Variants in NRG3 observed in about 807,000 individuals in gnomAD.
NRG3 encodes the protein neuregulin 3.
A neutral mutation model predicts 66.9 loss-of-function variants in NRG3; 31 were observed. That is an observed-to-expected ratio of 0.46 (90% CI 0.35 to 0.63). The LOEUF (loss-of-function observed/expected upper bound fraction) is 0.63, where lower values mean the gene tolerates loss of function less well. Among genes scored for constraint, NRG3 ranks in the 20% least tolerant of loss-of-function variants. The probability of loss-of-function intolerance (pLI) is 0.00; values close to 1 mark genes in which losing one functional copy is unlikely to be tolerated. For synonymous variants in NRG3, 393 were observed against 359.4 expected (o/e 1.09, Z -1.06); for missense variants, 910 against 878.9 (o/e 1.04, Z -0.45).
intron 4 of NRG3, among the ~76,000 whole-genome samples, chr10:82,910,066 T>C (rs929364361): frequency 6.6e-6 from 1 of 152,200 alleles, no homozygotes; most frequent in Non-Finnish European, 1.5e-5. Context: ...GGTAAACATA[T>C]GACAATCATA....
intron 2 of NRG3, among the ~76,000 whole-genome samples, chr10:82,455,400 C>G (rs1400401560): frequency 6.6e-6 from 1 of 152,020 alleles, no homozygotes; most frequent in Admixed American, 6.6e-5. Context: ...GTAAGTATTA[C>G]TGTATCTGAA....
intron 4 of NRG3, among the ~76,000 whole-genome samples, chr10:82,904,387 T>C (rs1423801018): frequency 2.0e-5 from 3 of 152,170 alleles, no homozygotes; most frequent in Admixed American, 2.0e-4. Flanking sequence ...TCATTAATCA[T>C]TCAACAACAG....
chr10:82,904,796 T>C (rs1844571212), intron 4 of NRG3, among the ~76,000 whole-genome samples: 1 of 152,134 alleles, frequency 6.6e-6, no homozygotes, highest in Admixed American at 6.5e-5. Flanking sequence ...GTGATAATGA[T>C]GTCAACAAAA....
At chr10:82,351,444 T>A (rs1231676360) in intron 1 of NRG3, among the ~76,000 whole-genome samples, 2 of 152,164 alleles carry the variant, frequency 1.3e-5, no homozygotes, top group Admixed American at 1.3e-4. Flanking sequence ...GCCATGTAAT[T>A]CAAGTCTTTG....
At chr10:82,396,246 T>C (rs966758162) in intron 2 of NRG3, among the ~76,000 whole-genome samples, 1 of 152,196 alleles carries the variant, frequency 6.6e-6, no homozygotes, top group Non-Finnish European at 1.5e-5. Context: ...TTTTTCATCC[T>C]TCTTGTCACT....
At chr10:81,936,286 A>T (rs931353808) in intron 1 of NRG3, among the ~76,000 whole-genome samples, 2 of 152,170 alleles carry the variant, frequency 1.3e-5, no homozygotes, top group South Asian at 4.1e-4. Flanking sequence ...CTGAGTTTGA[A>T]AAGAGTATGG....
chr10:82,949,701 A>T (rs1191236231), intron 4 of NRG3, among the ~76,000 whole-genome samples: 1 of 152,068 alleles, frequency 6.6e-6, no homozygotes, highest in African/African-American at 2.4e-5. Flanking sequence ...CTAAAAGTAC[A>T]AAAAGTAGCT....
chr10:82,057,944 C>G (rs2063933505), intron 1 of NRG3, among the ~76,000 whole-genome samples: 1 of 150,472 alleles, frequency 6.6e-6, no homozygotes, highest in Non-Finnish European at 1.5e-5. Context: ...TGCTTGCTTA[C>G]TCATGTGGAT....
chr10:82,615,822 A>G (rs1017273124), intron 2 of NRG3, among the ~76,000 whole-genome samples: 1 of 152,210 alleles, frequency 6.6e-6, no homozygotes, highest in African/African-American at 2.4e-5. Flanking sequence ...AAAGGGAAGG[A>G]GAGACAGGTA....
intron 1 of NRG3, among the ~76,000 whole-genome samples, chr10:81,881,605 T>C (rs961789329): frequency 2.0e-5 from 3 of 152,226 alleles, no homozygotes; most frequent in Non-Finnish European, 4.4e-5. Context: ...AAATGTTTAC[T>C]AAGTATCTAT....
At chr10:82,827,047 A>C (rs2062250475) in intron 3 of NRG3, 1 of 272,068 alleles carries the variant, frequency 3.7e-6, no homozygotes, top group African/African-American at 2.3e-5. Context: ...ATTCCCATAG[A>C]TATGCCTGAG....
At position 82,841,186 on chromosome 10, in the gene NRG3, G is replaced by A. The variant is rs1233503093; in HGVS notation, c.1028-24225G>A. Among the ~76,000 whole-genome samples, 3 of 152,136 alleles carry A rather than the reference G, an allele frequency of 2.0e-5. No homozygotes were observed. In the East Asian group the frequency reaches 5.8e-4, roughly 29 times the overall value. On this transcript the variant is annotated intron_variant, in intron 3 of 8. Coordinates refer to ENST00000372141, the MANE Select transcript of NRG3 (RefSeq NM_001010848.4). ...TGCCAATAGCCAGAAACTGGAAGAG[G>A]CAAGGAAGGATTCTTTCCTACAGCC... is the stretch of plus-strand genomic sequence containing the variant.
intron 2 of NRG3, among the ~76,000 whole-genome samples, chr10:82,402,786 G>T (rs1232172012): frequency 2.0e-5 from 3 of 152,102 alleles, no homozygotes; most frequent in African/African-American, 7.2e-5. Flanking sequence ...GTGTGTACCT[G>T]CTGGTAAAGA....
chr10:82,158,312 G>T (rs1160263145), intron 1 of NRG3, among the ~76,000 whole-genome samples: 2 of 151,578 alleles, frequency 1.3e-5, no homozygotes, highest in Non-Finnish European at 3.0e-5. Flanking sequence ...CTCCAAAATG[G>T]CTCTAAATTT....
intron 1 of NRG3, among the ~76,000 whole-genome samples, chr10:81,982,973 G>T (rs1466020970): frequency 6.6e-6 from 1 of 152,186 alleles, no homozygotes; most frequent in Non-Finnish European, 1.5e-5. Flanking sequence ...TATCATCACT[G>T]TGAAAGGACT....
chr10:81,990,446 C>T (rs1440352191), intron 1 of NRG3, among the ~76,000 whole-genome samples: 1 of 152,088 alleles, frequency 6.6e-6, no homozygotes, highest in African/African-American at 2.4e-5. Flanking sequence ...GATTACTTAT[C>T]CTCTTGTAGA....
chr10:82,208,668 C>T (rs1449347538), intron 1 of NRG3, among the ~76,000 whole-genome samples: 1 of 151,692 alleles, frequency 6.6e-6, no homozygotes, highest in Non-Finnish European at 1.5e-5. Context: ...AAAAAAACTA[C>T]AGGAACGTCA....
intron 1 of NRG3, among the ~76,000 whole-genome samples, chr10:81,938,618 A>AGTGTGTGTGT (rs373196547): frequency 2.1e-5 from 3 of 144,272 alleles, no homozygotes; most frequent in East Asian, 2.1e-4. Context: ...GAGTTCTGAC[A>AGTGTGTGTGT]GTGTGTGTGT....
intron 1 of NRG3, among the ~76,000 whole-genome samples, chr10:82,313,604 G>A (rs961858474): frequency 2.0e-5 from 3 of 151,990 alleles, no homozygotes; most frequent in African/African-American, 4.8e-5. Context: ...AAAAGCAACC[G>A]TAGCCCATAA....
Sources: gnomAD v4.1 joint callset for allele counts (sites outside exome capture counted in the v4.1 genomes callset) on GRCh38, gnomAD v4.1.1 for gene constraint, MANE v1.5 for transcripts, NCBI Gene and HGNC (gene_info 2026-07-23, HGNC 2026-07-21) for gene names.